CASP10: variants seen among roughly 807,000 people sequenced by gnomAD.
The protein encoded by CASP10 is caspase 10.
In CASP10, 41 loss-of-function variants were observed where a neutral mutation model predicts 48.5. That is an observed-to-expected ratio of 0.85 (90% CI 0.66 to 1.10). The LOEUF is 1.10. Ranked by LOEUF, CASP10 falls within the 50% of genes least tolerant of loss-of-function variation. The pLI, the probability that CASP10 is intolerant of heterozygous loss-of-function variation, is 0.00. For synonymous variants in CASP10, 232 were observed against 238.4 expected (o/e 0.97, Z 0.25); for missense variants, 614 against 614.5 (o/e 1.00, Z 0.01).
chr2:201,189,575 A>G (rs558006534), intron 3 of CASP10, among the ~76,000 whole-genome samples: 21 of 152,284 alleles, frequency 1.4e-4, no homozygotes, highest in African/African-American at 4.6e-4. Flanking sequence ...CTAGTTATCC[A>G]GTTTTTAAGT....
At chr2:201,198,539 C>CTTTTTTT (rs34234167) in intron 5 of CASP10, among the ~76,000 whole-genome samples, 1 of 87,980 alleles carries the variant, frequency 1.1e-5, no homozygotes, top group Admixed American at 1.4e-4. Flanking sequence ...TTTTTTAATT[C>CTTTTTTT]TTTTTTTTTT....
At chr2:201,187,176 T>G (rs554495179) in intron 2 of CASP10, among the ~76,000 whole-genome samples, 103 of 152,336 alleles carry the variant, frequency 6.8e-4, no homozygotes, top group African/African-American at 2.2e-3. Flanking sequence ...GAAATCCATA[T>G]TTCCATTCTG....
chr2:201,209,645 A>T, intron 9 of CASP10, 83 bp downstream of exon 9: 1 of 1,402,638 alleles, frequency 7.1e-7, no homozygotes, highest in Non-Finnish European at 9.6e-7. Flanking sequence ...ACCTTTGGTA[A>T]GGGTGAGAGT....
At chr2:201,184,388 A>G (rs2126002361) in intron 1 of CASP10, among the ~76,000 whole-genome samples, 1 of 152,272 alleles carries the variant, frequency 6.6e-6, no homozygotes, top group Middle Eastern at 3.4e-3. Context: ...CAGTGGCACA[A>G]TCATGGCTCA....
At chr2:201,190,378 T>C (rs1170168846) in intron 3 of CASP10, among the ~76,000 whole-genome samples, 2 of 152,152 alleles carry the variant, frequency 1.3e-5, no homozygotes. Flanking sequence ...GATTTTGTTT[T>C]AGGGAATTCT....
chr2:201,206,390 T>C (rs1178804166), intron 7 of CASP10: 2 of 159,764 alleles, frequency 1.3e-5, no homozygotes, highest in South Asian at 1.6e-4. Flanking sequence ...CACATGCTGT[T>C]TACAATAGCC....
chr2:201,215,357 C>T (rs556105301), intron 9 of CASP10, among the ~76,000 whole-genome samples: 1 of 151,724 alleles, frequency 6.6e-6, no homozygotes, highest in South Asian at 2.1e-4. Context: ...ATATGTTTGC[C>T]CTGTTTTCTT....
chr2:201,196,006 C>G, intron 5 of CASP10, 58 bp downstream of exon 5: 1 of 1,142,766 alleles, frequency 8.8e-7, no homozygotes, highest in East Asian at 2.3e-5. Flanking sequence ...TCCAACCTCC[C>G]CTCCCTGCCA....
At chr2:201,205,226 T>C (rs1473809893) in intron 6 of CASP10, among the ~76,000 whole-genome samples, 1 of 147,526 alleles carries the variant, frequency 6.8e-6, no homozygotes. Context: ...TTCTTTTCTT[T>C]TCTTTTTTTT....
At chr2:201,207,407 G>A (rs1193210125) in intron 7 of CASP10, among the ~76,000 whole-genome samples, 2 of 151,552 alleles carry the variant, frequency 1.3e-5, no homozygotes, top group African/African-American at 4.8e-5. Context: ...AATCACTTGA[G>A]GTCAGGAGTT....
intron 5 of CASP10, chr2:201,200,385 C>T: frequency 3.4e-6 from 5 of 1,490,130 alleles, no homozygotes; most frequent in Non-Finnish European, 3.7e-6. Flanking sequence ...ATTCTCTCCA[C>T]ATTCGTAAGT....
At chr2:201,196,104 A>G in intron 5 of CASP10, 156 bp downstream of exon 5, 4 of 613,922 alleles carry the variant, frequency 6.5e-6, no homozygotes, top group South Asian at 1.9e-5. Context: ...AAACAACATG[A>G]TATCAACCAG....
At position 201,219,909 on chromosome 2, in the gene CASP10, G is replaced by A; in HGVS notation, c.*2168G>A. ...CATTTACTGGATTTGACTTCAGCCA[G>A]GTGAACTGGAATGCCTTGGGGCGTG... On this transcript the variant is annotated 3_prime_UTR_variant, in exon 10 of 10. Coordinates refer to ENST00000286186, the MANE Select transcript of CASP10 (RefSeq NM_032977.4). 4.1e-6 allele frequency: 4 copies of A among 985,328 alleles called. No homozygotes were observed. Among genetic ancestry groups the A allele is most frequent in the Non-Finnish European group, 4.8e-6 (4 of 829,900 alleles). 61.0% of individuals were successfully genotyped at this position (985,328 alleles called of 1,614,324 possible).
In CASP10 at chr2:201,186,451, G is replaced by C; in HGVS notation, c.347+327G>C. 8.2e-6 allele frequency: 3 copies of C among 364,300 alleles called. No individual in the cohort carries two copies. The East Asian group carries it at 1.9e-4, about 23-fold the overall frequency. The allele number at this position is 364,300 out of a possible 1,614,324, so 22.6% of individuals were successfully genotyped here. A position where few individuals can be genotyped will look rare whatever the true frequency, so the allele number is the denominator to read the frequency against. Reference sequence around the variant, plus strand: ...TACACGTGCAGATCTTCTCCCTCCTGGGATCCACTAGTCTGTCTACCTGTT... The same window carrying C: ...TACACGTGCAGATCTTCTCCCTCCTCGGATCCACTAGTCTGTCTACCTGTT... On this transcript the variant is annotated intron_variant, in intron 2 of 9. Coordinates refer to ENST00000286186, the MANE Select transcript of CASP10 (RefSeq NM_032977.4).
At chr2:201,227,019 C>T (rs1055405330) in intron 9 of CASP10, among the ~76,000 whole-genome samples, 6 of 151,898 alleles carry the variant, frequency 4.0e-5, no homozygotes, top group South Asian at 2.1e-4. Context: ...TACAAATATA[C>T]AGATGCATGG....
intron 3 of CASP10, among the ~76,000 whole-genome samples, chr2:201,190,950 C>G (rs1306003991): frequency 6.6e-6 from 1 of 152,004 alleles, no homozygotes; most frequent in African/African-American, 2.4e-5. Context: ...CAACCTCTGC[C>G]TCCTGGGTTC....
rs763551197 is a variant in CASP10 at position 201,195,928 on chromosome 2, A to T, written c.664A>T (p.Thr222Ser). The change falls in exon 5 of 10, where the codon ACA becomes TCA. Residue 222 changes from threonine (T) to serine (S), a missense_variant. Physicochemically the swap from Thr to Ser is moderately conservative, Grantham distance 58 (BLOSUM62 1). Transcript: ENST00000286186. ...EELVSQTDVK[T>S]FLEALPQESW... is the part of the protein sequence containing the mutation. ...ACTAGTTTCCCAAACAGATGTTAAG[A>T]CATTCTTGGAAGCCTTACCGGTAGG... 4 of 1,613,478 alleles carry T rather than the reference A, an allele frequency of 2.5e-6. No individual in the cohort carries two copies. The South Asian group carries it at 4.4e-5, about 18-fold the overall frequency.
intron 3 of CASP10, among the ~76,000 whole-genome samples, chr2:201,190,160 C>G (rs1336736456): frequency 2.0e-5 from 3 of 152,082 alleles, no homozygotes; most frequent in Non-Finnish European, 4.4e-5. Context: ...GTCCTGGAAT[C>G]TCTCATTTCT....
chr2:201,216,952 C>T (rs1945590222), intron 9 of CASP10, among the ~76,000 whole-genome samples: 1 of 152,192 alleles, frequency 6.6e-6, no homozygotes, highest in Admixed American at 6.5e-5. Context: ...CTTCTCTCTC[C>T]CTCCCAACCA....
Sources: gnomAD v4.1 joint callset for allele counts (sites outside exome capture counted in the v4.1 genomes callset) on GRCh38, gnomAD v4.1.1 for gene constraint, MANE v1.5 for transcripts, NCBI Gene and HGNC (gene_info 2026-07-23, HGNC 2026-07-21) for gene names.